GPC5: variants seen among roughly 807,000 people sequenced by gnomAD.
GPC5 encodes the protein glypican-5.
Under a neutral mutation model 53.9 loss-of-function variants are expected in GPC5, and 47 were observed. That is an observed-to-expected ratio of 0.87 (90% confidence interval 0.69 to 1.11). The LOEUF is 1.11. GPC5 is among the 50% of genes most tolerant of loss of function. The probability of loss-of-function intolerance (pLI) is 0.00; values close to 1 mark genes in which losing one functional copy is unlikely to be tolerated. For missense variants in GPC5, 748 were observed against 713.1 expected (o/e 1.05, Z -0.56); for synonymous variants, 286 against 263.3 (o/e 1.09, Z -0.84).
intron 7 of GPC5, among the ~76,000 whole-genome samples, chr13:92,785,374 A>G (rs560987655): frequency 1.6e-4 from 25 of 152,332 alleles, no homozygotes; most frequent in Middle Eastern, 3.4e-3. Context: ...CTCATTTTTC[A>G]TATTTCTCTC....
At chr13:92,507,945 T>C (rs962546516) in intron 7 of GPC5, among the ~76,000 whole-genome samples, 2 of 152,148 alleles carry the variant, frequency 1.3e-5, no homozygotes, top group African/African-American at 4.8e-5. Context: ...AAATTTTTAT[T>C]TAATTAATTT....
chr13:92,045,752 G>T lies in GPC5; in HGVS notation c.1402-99078G>T, dbSNP rs562929145. On this transcript the variant is annotated intron_variant, in intron 6 of 7. Transcript: ENST00000377067. The stretch of plus-strand genomic sequence containing the variant: ...GGAGGGGCCAGGAAGTGATACAGGA[G>T]AACTATGGCAACTGAGATAATAAAA... 2.0e-5 allele frequency among the ~76,000 whole-genome samples: 3 copies of T among 152,280 alleles called. No individual in the cohort carries two copies. In the South Asian group the frequency reaches 6.2e-4, roughly 32 times the overall value.
chr13:92,087,502 C>G (rs921609482), intron 6 of GPC5, among the ~76,000 whole-genome samples: 5 of 152,200 alleles, frequency 3.3e-5, no homozygotes, highest in African/African-American at 1.2e-4. Flanking sequence ...TGCCAACTCT[C>G]TATTCAAACT....
chr13:91,426,501 A>G (rs1879061148), intron 1 of GPC5, among the ~76,000 whole-genome samples: 1 of 152,252 alleles, frequency 6.6e-6, no homozygotes, highest in Non-Finnish European at 1.5e-5. Flanking sequence ...CTGAGGAGCC[A>G]GGAAGCCAGT....
intron 1 of GPC5, among the ~76,000 whole-genome samples, chr13:91,432,226 T>TGTGTGGGG (rs1386933016): frequency 2.7e-5 from 4 of 149,452 alleles, no homozygotes; most frequent in African/African-American, 1.0e-4. Context: ...TGTGTGTGTG[T>TGTGTGGGG]GTGTGTGTGT....
intron 2 of GPC5, among the ~76,000 whole-genome samples, chr13:91,526,316 A>G (rs1266018968): frequency 6.6e-6 from 1 of 152,200 alleles, no homozygotes; most frequent in African/African-American, 2.4e-5. Context: ...TGAAAGATCA[A>G]TTTCATTTAC....
intron 6 of GPC5, among the ~76,000 whole-genome samples, chr13:91,942,033 A>C (rs77707979): frequency 0.024 from 3,715 of 151,990 alleles, 147 homozygotes; most frequent in African/African-American, 0.085. Flanking sequence ...ATATCCATCA[A>C]CTCTATAATT....
intron 5 of GPC5, among the ~76,000 whole-genome samples, chr13:91,761,763 G>T (rs1230071503): frequency 1.3e-5 from 2 of 152,128 alleles, no homozygotes; most frequent in Non-Finnish European, 2.9e-5. Flanking sequence ...CTATCCAGAA[G>T]CTCTTTCAAC....
chr13:92,704,179 C>G (rs1018660617), intron 7 of GPC5, among the ~76,000 whole-genome samples: 11 of 151,922 alleles, frequency 7.2e-5, no homozygotes, highest in Non-Finnish European at 1.5e-4. Flanking sequence ...TGCTTAAATT[C>G]CAATTTGTAA....
chr13:92,594,976 T>G (rs1883823412), intron 7 of GPC5, among the ~76,000 whole-genome samples: 1 of 152,222 alleles, frequency 6.6e-6, no homozygotes, highest in African/African-American at 2.4e-5. Flanking sequence ...TGGTCCAGTG[T>G]GGTGAGTATA....
At chr13:92,662,845 A>T (rs566886420) in intron 7 of GPC5, among the ~76,000 whole-genome samples, 2 of 151,982 alleles carry the variant, frequency 1.3e-5, no homozygotes, top group African/African-American at 2.4e-5. Flanking sequence ...TGGCAATCAC[A>T]CTCTTGCCTG....
chr13:92,707,314 T>C lies in GPC5; in HGVS notation c.1562-158968T>C, dbSNP rs115853486. On this transcript the variant is annotated intron_variant, in intron 7 of 7. Transcript: ENST00000377067. ...GACACAAATAGAAGTCTTTTAGAAG[T>C]GGATAATGAAAGCTGAACCTAACAG... 1.3e-3 allele frequency among the ~76,000 whole-genome samples: 194 copies of C among 152,206 alleles called. 1 individual carries two copies. Among genetic ancestry groups the C allele is most frequent in the African/African-American group, 4.6e-3 (191 of 41,538 alleles).
At chr13:92,308,291 G>C (rs561160393) in intron 7 of GPC5, among the ~76,000 whole-genome samples, 1 of 152,092 alleles carries the variant, frequency 6.6e-6, no homozygotes. Flanking sequence ...GCACTGTGCC[G>C]CCTGGCAGCC....
At chr13:92,441,070 T>G (rs189005335) in intron 7 of GPC5, among the ~76,000 whole-genome samples, 1 of 152,286 alleles carries the variant, frequency 6.6e-6, no homozygotes, top group Non-Finnish European at 1.5e-5. Flanking sequence ...TAGGTCTCAT[T>G]TATCGTTTTT....
chr13:91,687,990 T>A (rs1301530838), intron 2 of GPC5, among the ~76,000 whole-genome samples: 1 of 152,068 alleles, frequency 6.6e-6, no homozygotes, highest in Admixed American at 6.6e-5. Flanking sequence ...ATTTTATATG[T>A]CTATTACGTT....
chr13:92,825,810 A>G (rs1217446920), intron 7 of GPC5, among the ~76,000 whole-genome samples: 1 of 152,152 alleles, frequency 6.6e-6, no homozygotes, highest in African/African-American at 2.4e-5. Flanking sequence ...TTATATATAA[A>G]TGGAATTATG....
chr13:92,110,537 A>G (rs1203312280), intron 6 of GPC5, among the ~76,000 whole-genome samples: 1 of 152,178 alleles, frequency 6.6e-6, no homozygotes, highest in African/African-American at 2.4e-5. Flanking sequence ...GGAAAAAAAA[A>G]AAGACCCACA....
chr13:92,211,254 A>G (rs1183959194), intron 7 of GPC5, among the ~76,000 whole-genome samples: 1 of 152,210 alleles, frequency 6.6e-6, no homozygotes. Flanking sequence ...AGAACTCTTA[A>G]GGCAAACAAG....
chr13:92,239,887 A>G (rs1340030340), intron 7 of GPC5: 1 of 151,898 alleles, frequency 6.6e-6, no homozygotes, highest in East Asian at 1.9e-4. Context: ...ATCACCTAAG[A>G]TAAGCATTTT....
Sources: gnomAD v4.1 joint callset for allele counts (sites outside exome capture counted in the v4.1 genomes callset) on GRCh38, gnomAD v4.1.1 for gene constraint, MANE v1.5 for transcripts, NCBI Gene and HGNC (gene_info 2026-07-23, HGNC 2026-07-21) for gene names.